Variants in EHBP1L1 observed in about 807,000 individuals in gnomAD.
EHBP1L1 encodes the protein EH domain binding protein 1 like 1, also known as EH domain-binding protein 1-like protein 1.
EHBP1L1 carries 122 observed loss-of-function variants against 151.1 expected under a neutral mutation model. The observed-to-expected ratio is 0.81, with a 90% confidence interval of 0.70 to 0.94. The LOEUF (loss-of-function observed/expected upper bound fraction) is 0.94, where lower values mean the gene tolerates loss of function less well. EHBP1L1 is among the 40% of genes least tolerant of loss of function. EHBP1L1 has a pLI of 0.00. For synonymous variants in EHBP1L1, 878 were observed against 810.1 expected, an observed-to-expected ratio of 1.08 and a Z score of -1.42; for missense variants, 1,941 against 1,959.8, an observed-to-expected ratio of 0.99 and a Z score of 0.18.
At chr11:65,587,278 C>A (rs931479407) in intron 12 of EHBP1L1, among the ~76,000 whole-genome samples, 28 of 151,488 alleles carry the variant, frequency 1.8e-4, no homozygotes, top group African/African-American at 6.8e-4. Context: ...GAGGCTGAGG[C>A]AGGGGAATTG....
chr11:65,578,994 GGGA>G, intron 1 of EHBP1L1, 81 bp from the exon 2 acceptor site: 1 of 1,343,408 alleles, frequency 7.4e-7, no homozygotes. Context: ...AGGGAGCTGG[GGGA>G]GGAGGAAGAG....
chr11:65,590,381 G>A (rs1858208040), intron 15 of EHBP1L1, 112 bp from the exon 16 acceptor site: 2 of 1,504,472 alleles, frequency 1.3e-6, no homozygotes, highest in African/African-American at 1.4e-5. Context: ...GAGGCACACA[G>A]TTCTGGCTTC....
In EHBP1L1 at chr11:65,583,825, G is replaced by A. The variant is rs1177061686; in HGVS notation, c.3093+60G>A. On this transcript the variant is annotated intron_variant, in intron 9 of 18. Transcript: ENST00000309295. Reference sequence around the variant, plus strand: ...GCTTCCCACTAACCTGGGGCTGAGCGAACGGCGGCTCTGCATGGACCCACC... The same window carrying A: ...GCTTCCCACTAACCTGGGGCTGAGCAAACGGCGGCTCTGCATGGACCCACC... 14 of 1,437,876 alleles carry A rather than the reference G, an allele frequency of 9.7e-6. No homozygotes were observed. In the East Asian group the frequency reaches 1.0e-4, roughly 10 times the overall value. 89.1% of individuals were successfully genotyped at this position (1,437,876 alleles called of 1,614,324 possible). A position where few individuals can be genotyped will look rare whatever the true frequency, so the allele number is the denominator to read the frequency against.
At position 65,580,115 on chromosome 11, in the gene EHBP1L1, C is replaced by T. The variant is rs2135242849; in HGVS notation, c.347C>T (p.Ala116Val). 1 of 1,613,326 alleles carries T rather than the reference C, an allele frequency of 6.2e-7. No homozygotes were observed. The highest frequency in any genetic ancestry group is 1.1e-5 in the South Asian group (1 of 91,052). ...GGGCAGCGGAAGGTGCTGGCCACGG[C>T]CGAGGTGGACCTGGCCCGCCATGCA... is the stretch of plus-strand genomic sequence containing the variant. ...SKGQRKVLATAEVDLARHAGP... is the reference protein window; with the variant it reads ...SKGQRKVLATVEVDLARHAGP... The change falls in exon 5 of 19, where the codon GCC becomes GTC. Residue 116 changes from alanine to valine, a missense_variant. Ala to Val is a moderately conservative substitution (Grantham distance 64). Transcript: ENST00000309295.
intron 12 of EHBP1L1, among the ~76,000 whole-genome samples, chr11:65,589,291 G>T (rs1858133879): frequency 6.6e-6 from 1 of 152,132 alleles, no homozygotes; most frequent in Non-Finnish European, 1.5e-5. Context: ...TACTTGGGAG[G>T]CTGAGGCAGG....
Position 65,583,158 on chromosome 11 carries a change from C to T in EHBP1L1, c.2486C>T (p.Ser829Leu), listed in dbSNP as rs1857728488. The change falls in exon 9 of 19, where the codon TCA (serine) becomes TTA (leucine). Residue 829 changes from serine (S) to leucine (L), a missense_variant. Physicochemically the swap from Ser to Leu is moderately radical, Grantham distance 145. Transcript: ENST00000309295. ...LGTQEIASRS[S>L]GVPGLESEVA... ...ACCCAAGAGATAGCATCTAGGAGTT[C>T]AGGGGTCCCAGGGCTAGAATCTGAG... The T allele has an allele frequency of 6.2e-7, 1 of 1,612,836 alleles. No individual in the cohort carries two copies. The highest frequency in any genetic ancestry group is 1.3e-5 in the African/African-American group (1 of 74,676).
chr11:65,582,216 C>T lies in EHBP1L1; in HGVS notation c.1544C>T (p.Ala515Val). The stretch of plus-strand genomic sequence containing the variant: ...GAGGGTGCAGAAGTGAGGGGTGGAG[C>T]ACCTGGTATTGAGGGGACAGGCCTG... ...EREGAEVRGG[A>V]PGIEGTGLEQ... Residue 515 changes from alanine to valine, a missense_variant, in exon 9 of 19, where the codon GCA becomes GTA. By Grantham distance (64) the Ala-to-Val change is moderately conservative. Coordinates refer to ENST00000309295, the MANE Select transcript of EHBP1L1 (RefSeq NM_001099409.3). The T allele has an allele frequency of 2.0e-6, 3 of 1,532,876 alleles. No homozygotes were observed. The highest frequency in any genetic ancestry group is 2.6e-6 in the Non-Finnish European group (3 of 1,143,980). 95.0% of individuals were successfully genotyped at this position (1,532,876 alleles called of 1,614,324 possible).
At chr11:65,584,038 GC>G in intron 9 of EHBP1L1, 3 of 1,412,666 alleles carry the variant, frequency 2.1e-6, no homozygotes, top group Non-Finnish European at 2.7e-6. Flanking sequence ...TTGTCTGGGG[GC>G]CACTGACCTT....
rs1857698359 is a variant in EHBP1L1 at position 65,582,814 on chromosome 11, A to G, written c.2142A>G (p.Ser714=). The G allele has an allele frequency of 6.2e-7, 1 of 1,613,438 alleles. No homozygotes were observed. ...TGGAAGCTTCTAGGGTACCAGAGTC[A>G]GAGGCTGAGGGGACAGAAGCTAAAA... ...TEVEASRVPE[S]EAEGTEAKIL... Residue 714 remains serine, a synonymous_variant, in exon 9 of 19, where the codon TCA becomes TCG. Transcript: ENST00000309295.
chr11:65,586,878 T>C (rs1857993460), intron 12 of EHBP1L1, among the ~76,000 whole-genome samples: 1 of 152,238 alleles, frequency 6.6e-6, no homozygotes, highest in Non-Finnish European at 1.5e-5. Flanking sequence ...TTCCAGCATC[T>C]GGTGTTTCCA....
rs1382638968 is a variant in EHBP1L1 at position 65,581,689 on chromosome 11, G to A, written c.1017G>A (p.Arg339=). 1 of 1,576,432 alleles carries A rather than the reference G, an allele frequency of 6.3e-7. No individual in the cohort carries two copies. The highest frequency in any genetic ancestry group is 8.6e-7 in the Non-Finnish European group (1 of 1,161,516). The stretch of plus-strand genomic sequence containing the variant: ...CTCCAGCAGGATTGGGCTCTGCTAG[G>A]GAGACCCAGGCCCAGGCATGCCCTC... The part of the protein sequence containing the change: ...GAPPAGLGSA[R]ETQAQACPQE... Residue 339 remains arginine (R), a synonymous_variant, in exon 9 of 19, where the codon AGG becomes AGA. Coordinates refer to ENST00000309295, the MANE Select transcript of EHBP1L1 (RefSeq NM_001099409.3).
rs1304004896 is a variant in EHBP1L1 at position 65,582,514 on chromosome 11, A to G, written c.1842A>G (p.Arg614=). The stretch of plus-strand genomic sequence containing the variant: ...GGGCCTTGGAGAAAGAAGCAGCAAG[A>G]TCAAGGGTCCTGGAGTCAGAGGTTG... The part of the protein sequence containing the change: ...ILGALEKEAA[R]SRVLESEVAG... The change falls in exon 9 of 19, where the codon AGA becomes AGG. Residue 614 remains arginine, a synonymous_variant. Coordinates refer to ENST00000309295, the MANE Select transcript of EHBP1L1 (RefSeq NM_001099409.3). 6.2e-7 allele frequency: 1 copy of G among 1,613,382 alleles called. No homozygotes were observed. The highest frequency in any genetic ancestry group is 1.7e-5 in the Admixed American group (1 of 60,016).
At chr11:65,587,926 C>T (rs976908143) in intron 12 of EHBP1L1, among the ~76,000 whole-genome samples, 2 of 152,198 alleles carry the variant, frequency 1.3e-5, no homozygotes, top group African/African-American at 4.8e-5. Context: ...ACATAAAGTG[C>T]TTTAAGTGCC....
rs1174538883 is a variant in EHBP1L1 at position 65,581,359 on chromosome 11, C to T, written c.852C>T (p.Thr284=). The change falls in exon 8 of 19, where the codon ACC becomes ACT. Residue 284 remains threonine (T), a synonymous_variant. Transcript: ENST00000309295. ...CTGAGGCCCCAAGGCCCCCGGAAACCTCACCAGAGATGAGGTGAGCTTTGG... is the reference window on the plus strand; with the variant it reads ...CTGAGGCCCCAAGGCCCCCGGAAACTTCACCAGAGATGAGGTGAGCTTTGG... ...VGPEAPRPPE[T]SPEMRSSRQP... 1 of 1,571,984 alleles carries T rather than the reference C, an allele frequency of 6.4e-7. No homozygotes were observed. The highest frequency in any genetic ancestry group is 1.2e-5 in the South Asian group (1 of 86,152).
chr11:65,589,739 C>G lies in EHBP1L1; in HGVS notation c.3934-12C>G. On this transcript the variant is annotated splice_polypyrimidine_tract_variant and intron_variant, in intron 12 of 18. Transcript: ENST00000309295. Reference sequence around the variant, plus strand: ...AACCCCTCCCAGCCCTCACTGGCCCCTTCTTCCACAGGAAGGCCAGGCCCC... The same window carrying G: ...AACCCCTCCCAGCCCTCACTGGCCCGTTCTTCCACAGGAAGGCCAGGCCCC... 6.5e-7 allele frequency: 1 copy of G among 1,531,074 alleles called. No homozygotes were observed. The highest frequency in any genetic ancestry group is 1.2e-5 in the South Asian group (1 of 81,260). The allele number at this position is 1,531,074 out of a possible 1,614,324, so 94.8% of individuals were successfully genotyped here.
At position 65,585,524 on chromosome 11, in the gene EHBP1L1, G is replaced by T. The variant is rs1446501968; in HGVS notation, c.3866G>T (p.Arg1289Leu). The change falls in exon 12 of 19, where the codon CGG (arginine) becomes CTG (leucine). Residue 1289 changes from arginine to leucine, a missense_variant. Physicochemically the swap from Arg to Leu is moderately radical, Grantham distance 102. Coordinates refer to ENST00000309295, the MANE Select transcript of EHBP1L1 (RefSeq NM_001099409.3). The surrounding 1 kb of genome is among the most constrained non-coding windows in gnomAD (Gnocchi z 4.0). ...DADLLKKRRS[R>L]LRNSSSFSMD... ...GACCTGCTCAAGAAGAGGCGCTCGC[G>T]GCTGCGGAACAGCAGCTCGTTCTCG... is the stretch of plus-strand genomic sequence containing the variant. The T allele has an allele frequency of 1.3e-6, 2 of 1,572,564 alleles. No homozygotes were observed. The highest frequency in any genetic ancestry group is 1.8e-5 in the Admixed American group (1 of 55,916).
chr11:65,584,601 T>G, intron 11 of EHBP1L1, 67 bp downstream of exon 11: 1 of 1,570,050 alleles, frequency 6.4e-7, no homozygotes, highest in Non-Finnish European at 8.6e-7. Context: ...CAGTGTCAGA[T>G]TTGGAGAAAG....
chr11:65,581,254 G>A lies in EHBP1L1; in HGVS notation c.747G>A (p.Val249=), dbSNP rs79021529. The A allele has an allele frequency of 0.083, 133,770 of 1,611,194 alleles. 6,590 individuals are homozygous for A. Among genetic ancestry groups the A allele is most frequent in the Non-Finnish European group, 0.09 (106,106 of 1,179,116 alleles). The change falls in exon 8 of 19, where the codon GTG becomes GTA. Residue 249 remains valine (V), a synonymous_variant. Coordinates refer to ENST00000309295, the MANE Select transcript of EHBP1L1 (RefSeq NM_001099409.3). ...CTGAGGATACCAGCCCAGCCCCTGT[G>A]AGTGCTCCTGCACCCCCAGCCAGAA... The part of the protein sequence containing the change: ...SNAEDTSPAP[V]SAPAPPARTS...
Position 65,592,500 on chromosome 11 carries a change from G to GCGCGCACACACCCTC in EHBP1L1, c.*198_*199insCGCGCACACACCCTC. 1 of 238,588 alleles carries GCGCGCACACACCCTC rather than the reference G, an allele frequency of 4.2e-6. No homozygotes were observed. Among genetic ancestry groups the GCGCGCACACACCCTC allele is most frequent in the Non-Finnish European group, 7.3e-6 (1 of 136,588 alleles). The allele number at this position is 238,588 out of a possible 1,614,324, so 14.8% of individuals were successfully genotyped here. A position where few individuals can be genotyped will look rare whatever the true frequency, so the allele number is the denominator to read the frequency against. On this transcript the variant is annotated 3_prime_UTR_variant, in exon 19 of 19. Coordinates refer to ENST00000309295, the MANE Select transcript of EHBP1L1 (RefSeq NM_001099409.3). ...GGCCGCCGTATTTATTTGTCACCGA[G>GCGCGCACACACCCTC]GGTGTGTGCGCGCTCGCGGCGGGTG...
Sources: gnomAD v4.1 joint callset for allele counts (sites outside exome capture counted in the v4.1 genomes callset) on GRCh38, gnomAD v4.1.1 for gene constraint, Gnocchi (gnomAD v3.1) non-coding constraint, MANE v1.5 for transcripts, NCBI Gene and HGNC (gene_info 2026-07-23, HGNC 2026-07-21) for gene names.